Variants in MACF1 observed in about 807,000 individuals in gnomAD.
MACF1 encodes microtubule actin crosslinking factor 1.
A neutral mutation model predicts 854.8 loss-of-function variants in MACF1; 193 were observed. That is an observed-to-expected ratio of 0.23 (90% CI 0.20 to 0.25). MACF1 has a LOEUF of 0.25. MACF1 is among the 10% of genes least tolerant of loss of function. The pLI is 1.00. For missense variants in MACF1, 7,722 were observed against 8,929.1 expected, an observed-to-expected ratio of 0.86 and a Z score of 5.45; for synonymous variants, 3,185 against 3,226.7, an observed-to-expected ratio of 0.99 and a Z score of 0.44.
At chr1:39,166,542 C>T (rs1053504233) in intron 2 of MACF1, among the ~76,000 whole-genome samples, 3 of 151,710 alleles carry the variant, frequency 2.0e-5, no homozygotes, top group Non-Finnish European at 2.9e-5. Flanking sequence ...CTGCAACCTC[C>T]GCCTCCTGGG....
At position 39,105,094 on chromosome 1, in the gene MACF1, G is replaced by A. The variant is rs1168706949; in HGVS notation, c.220+20656G>A. Among the ~76,000 whole-genome samples the A allele has an allele frequency of 6.6e-6, 1 of 152,142 alleles. No individual in the cohort carries two copies. The highest frequency in any genetic ancestry group is 2.4e-5 in the African/African-American group (1 of 41,460). On this transcript the variant is annotated intron_variant, in intron 2 of 93. Coordinates refer to the MACF1 transcript ENST00000361689. This position sits in a 1 kb window ranked among gnomAD's most constrained non-coding sequence, Gnocchi z 5.9. ...TTCGGCCGGCCCAGCCTTTCATCCTGACGCGCGGGGCCTCCCACCCAGCGG... is the reference window on the plus strand; with the variant it reads ...TTCGGCCGGCCCAGCCTTTCATCCTAACGCGCGGGGCCTCCCACCCAGCGG...
At chr1:39,231,286 G>A in intron 2 of MACF1, 43 bp downstream of exon 2, 1 of 1,531,300 alleles carries the variant, frequency 6.5e-7, no homozygotes, top group South Asian at 1.1e-5. Flanking sequence ...ACCTCTCACT[G>A]CTCTCATCTG....
chr1:39,432,237 T>C (rs1428447217), intron 66 of MACF1, among the ~76,000 whole-genome samples: 1 of 152,186 alleles, frequency 6.6e-6, no homozygotes, highest in Non-Finnish European at 1.5e-5. Flanking sequence ...AGGAAGAGTG[T>C]AGTCTCATAA....
At chr1:39,394,268 TTG>T (rs1363086266) in intron 58 of MACF1, among the ~76,000 whole-genome samples, 11 of 149,594 alleles carry the variant, frequency 7.4e-5, no homozygotes, top group African/African-American at 1.5e-4. Flanking sequence ...GATTGATTGA[TTG>T]ATTGATTTAT....
chr1:39,415,398 C>T (rs143765499), intron 58 of MACF1, among the ~76,000 whole-genome samples: 1,703 of 150,806 alleles, frequency 0.011, 102 homozygotes, highest in Admixed American at 0.097. Context: ...TGCAGTGGTG[C>T]GATCTCAGCT....
At chr1:39,206,012 A>G (rs1373995656) in intron 1 of MACF1, among the ~76,000 whole-genome samples, 2 of 152,078 alleles carry the variant, frequency 1.3e-5, no homozygotes, top group Non-Finnish European at 2.9e-5. Context: ...TGGGCTCACT[A>G]CCTTCAAACT....
Position 39,336,666 on chromosome 1 carries a change from C to CT in MACF1, c.10065+25dup, listed in dbSNP as rs562176048. The CT allele has an allele frequency of 0.053, 53,610 of 1,014,870 alleles. 1 individual carries two copies. Among genetic ancestry groups the CT allele is most frequent in the South Asian group, 0.068 (3,655 of 53,416 alleles). The allele number at this position is 1,014,870 out of a possible 1,614,324, so 62.9% of individuals were successfully genotyped here. The stretch of plus-strand genomic sequence containing the variant: ...CAGAGCAACTCAGGTCAGTGGTGTG[C>CT]TTTTTTTTTTTTCTTCCTAAAGATA... On this transcript the variant is annotated intron_variant, in intron 37 of 100. Coordinates refer to ENST00000564288, the MANE Select transcript of MACF1 (RefSeq NM_001394062.1).
In MACF1 at chr1:39,422,492, A is replaced by T. The variant is rs376100884; in HGVS notation, c.15935A>T (p.Asp5312Val). The change falls in exon 59 of 101, where the codon GAC (aspartate) becomes GTC (valine). Residue 5312 changes from aspartate to valine, a missense_variant. By Grantham distance (152) the Asp-to-Val change is radical. Transcript: ENST00000564288. ...TGTGATGTACAGGGTTTAGAACATG[A>T]CATGGAAGAGATCAATGCTCGATGG... ...KDCDVQGLEH[D>V]MEEINARWNT... 9.3e-6 allele frequency: 15 copies of T among 1,614,074 alleles called. No homozygotes were observed. The highest frequency in any genetic ancestry group is 1.3e-5 in the Non-Finnish European group (15 of 1,179,992).
intron 97 of MACF1, among the ~76,000 whole-genome samples, chr1:39,478,327 G>A (rs940864609): frequency 2.0e-5 from 3 of 152,116 alleles, no homozygotes; most frequent in African/African-American, 7.2e-5. Flanking sequence ...GTTGAGGCTT[G>A]AGGAGGAAGG....
intron 17 of MACF1, 110 bp from the exon 18 acceptor site, chr1:39,293,348 A>G: frequency 9.5e-7 from 1 of 1,052,294 alleles, no homozygotes. Flanking sequence ...AAATCCAGAG[A>G]TTAAGAGCAA....
At chr1:39,252,712 T>A (rs747970097) in intron 4 of MACF1, among the ~76,000 whole-genome samples, 2 of 152,210 alleles carry the variant, frequency 1.3e-5, no homozygotes, top group African/African-American at 2.4e-5. Flanking sequence ...CACTATCATC[T>A]TCTAAGCCAT....
rs764929664 is a variant in MACF1, at chr1:39,244,110, A to AT, written c.172-5896dup. On this transcript the variant is annotated intron_variant, in intron 2 of 100. Coordinates refer to ENST00000564288, the MANE Select transcript of MACF1 (RefSeq NM_001394062.1). ...TTTATTTATTTATTTTTTATTAAAA[A>AT]TTTTTTTTGGGGGGGACAGAGTCTC... Among the ~76,000 whole-genome samples the AT allele has an allele frequency of 3.5e-3, 535 of 151,100 alleles. 1 individual carries two copies. Among genetic ancestry groups the AT allele is most frequent in the Admixed American group, 6.0e-3 (91 of 15,160 alleles).
intron 35 of MACF1, among the ~76,000 whole-genome samples, chr1:39,326,492 C>T (rs1281193343): frequency 6.6e-6 from 1 of 151,840 alleles, no homozygotes; most frequent in Non-Finnish European, 1.5e-5. Flanking sequence ...ACCAGCCTGG[C>T]CAGCATGGTG....
intron 2 of MACF1, chr1:39,121,151 A>G (rs181745583): frequency 6.6e-5 from 10 of 152,342 alleles, no homozygotes; most frequent in African/African-American, 2.2e-4. Context: ...TCAATATTGA[A>G]TGAATGAATT....
rs72924807 is a variant in MACF1 at position 39,164,430 on chromosome 1, G to A, written c.221-66752G>A. On this transcript the variant is annotated intron_variant, in intron 2 of 93. Transcript: ENST00000361689. ...CTGTCTTCAGGCTTAGTGGCCAGTT[G>A]GCTCAGATGTTTTATTATCCAGTTA... 7.7e-3 allele frequency among the ~76,000 whole-genome samples: 1,177 copies of A among 152,292 alleles called. 15 individuals are homozygous for A. The highest frequency in any genetic ancestry group is 0.027 in the African/African-American group (1,116 of 41,544).
intron 23 of MACF1, among the ~76,000 whole-genome samples, chr1:39,303,540 G>A (rs1226938161): frequency 2.0e-5 from 3 of 149,636 alleles, no homozygotes; most frequent in Non-Finnish European, 4.5e-5. Flanking sequence ...GCAACAGAGC[G>A]AGACTCTGTC....
intron 89 of MACF1, chr1:39,456,926 T>C (rs1644452265): frequency 6.6e-6 from 1 of 152,298 alleles, no homozygotes; most frequent in African/African-American, 2.4e-5. Context: ...AAAACTTCCC[T>C]TTTGACTTCT....
At chr1:39,087,135 T>C (rs1268864363) in intron 2 of MACF1, among the ~76,000 whole-genome samples, 1 of 152,230 alleles carries the variant, frequency 6.6e-6, no homozygotes, top group Non-Finnish European at 1.5e-5. Context: ...GGGGCATGTC[T>C]GGGAGACCCT....
intron 34 of MACF1, 42 bp downstream of exon 34, chr1:39,324,387 A>C: frequency 6.2e-7 from 1 of 1,602,752 alleles, no homozygotes; most frequent in Middle Eastern, 1.7e-4. Flanking sequence ...GTAGAATAAT[A>C]TGTGATAATA....
Sources: gnomAD v4.1 joint callset for allele counts (sites outside exome capture counted in the v4.1 genomes callset) on GRCh38, gnomAD v4.1.1 for gene constraint, Gnocchi (gnomAD v3.1) non-coding constraint, MANE v1.5 for transcripts, NCBI Gene and HGNC (gene_info 2026-07-23, HGNC 2026-07-21) for gene names.